MCUB: variants seen among roughly 807,000 people sequenced by gnomAD.
MCUB encodes the protein mitochondrial calcium uniporter dominant negative subunit beta, also known as calcium uniporter regulatory subunit MCUb, mitochondrial.
Under a neutral mutation model 41.4 loss-of-function variants are expected in MCUB, and 46 were observed. The observed-to-expected ratio is 1.11, with a 90% CI of 0.88 to 1.42. The LOEUF (loss-of-function observed/expected upper bound fraction) is 1.42. Ranked by LOEUF, MCUB falls within the 40% of genes most tolerant of loss-of-function variation. The probability of loss-of-function intolerance (pLI) is 0.00; values close to 1 mark genes in which losing one functional copy is unlikely to be tolerated. For missense variants in MCUB, 403 were observed against 404.9 expected (o/e 1.00, Z 0.04); for synonymous variants, 148 against 148.2 (o/e 1.00, Z 0.01).
intron 4 of MCUB, among the ~76,000 whole-genome samples, chr4:109,675,151 A>G (rs1729544906): frequency 1.3e-5 from 2 of 152,376 alleles, no homozygotes; most frequent in Middle Eastern, 6.8e-3. Context: ...TTTATTAGGA[A>G]ATGCCACAGA....
At chr4:109,641,603 C>T (rs1728717073) in intron 1 of MCUB, among the ~76,000 whole-genome samples, 5 of 152,136 alleles carry the variant, frequency 3.3e-5, no homozygotes, top group Admixed American at 3.3e-4. Context: ...AAAAATGGTG[C>T]TTATAGACTG....
At chr4:109,597,521 C>T (rs1466558223) in intron 1 of MCUB, among the ~76,000 whole-genome samples, 2 of 141,366 alleles carry the variant, frequency 1.4e-5, no homozygotes, top group Non-Finnish European at 3.1e-5. Context: ...GACCCCCCCA[C>T]CTCCCTCCCG....
chr4:109,656,353 AC>A (rs1561243208), intron 1 of MCUB, among the ~76,000 whole-genome samples: 1 of 100,324 alleles, frequency 1.0e-5, no homozygotes, highest in African/African-American at 3.4e-5. Flanking sequence ...TTTACTCTCT[AC>A]TTTTTTTTTT....
rs776559540 is a variant in MCUB, at chr4:109,685,236, CTCT to C, written c.817-13_817-11del. 6.5e-6 allele frequency: 6 copies of C among 928,706 alleles called. No homozygotes were observed. In the African/African-American group the frequency reaches 2.0e-4, roughly 30 times the overall value. The allele number at this position is 928,706 out of a possible 1,614,324, so 57.5% of individuals were successfully genotyped here. A position where few individuals can be genotyped will look rare whatever the true frequency, so the allele number is the denominator to read the frequency against. ...CAAAACATGTTGTTTTCTTCTCTCT[CTCT>C]TTTTTTTTAAGGATTATACTTACTC... On this transcript the variant is annotated splice_polypyrimidine_tract_variant and intron_variant, in intron 6 of 7. Coordinates refer to ENST00000394650, the MANE Select transcript of MCUB (RefSeq NM_017918.5).
chr4:109,589,635 C>T (rs1727384824), intron 1 of MCUB, among the ~76,000 whole-genome samples: 1 of 152,156 alleles, frequency 6.6e-6, no homozygotes, highest in South Asian at 2.1e-4. Context: ...ACACAAATTC[C>T]TGGTTAAGCT....
chr4:109,579,025 C>G (rs767310109), intron 1 of MCUB, among the ~76,000 whole-genome samples: 24 of 152,222 alleles, frequency 1.6e-4, no homozygotes, highest in Non-Finnish European at 2.2e-4. Flanking sequence ...TTCCTTCACA[C>G]TTGCTTCCGC....
At chr4:109,627,185 C>G (rs1383057364) in intron 1 of MCUB, among the ~76,000 whole-genome samples, 1 of 151,956 alleles carries the variant, frequency 6.6e-6, no homozygotes, top group Non-Finnish European at 1.5e-5. Context: ...CCTCAATATA[C>G]TTTATGCCCA....
At chr4:109,684,762 G>C (rs1364076873) in intron 6 of MCUB, 116 bp downstream of exon 6, 6 of 605,644 alleles carry the variant, frequency 9.9e-6, no homozygotes, top group African/African-American at 7.4e-5. Flanking sequence ...TGGTTTTTAT[G>C]AGCTGGTAAA....
At chr4:109,636,400 G>C (rs1254736564) in intron 1 of MCUB, among the ~76,000 whole-genome samples, 1 of 152,202 alleles carries the variant, frequency 6.6e-6, no homozygotes, top group African/African-American at 2.4e-5. Flanking sequence ...ACACTGCTTA[G>C]AGTGAGATAA....
intron 1 of MCUB, among the ~76,000 whole-genome samples, chr4:109,597,940 T>C (rs1727617035): frequency 7.0e-6 from 1 of 142,478 alleles, no homozygotes; most frequent in African/African-American, 2.7e-5. Context: ...GCAGAGGCGC[T>C]CCTCACATCC....
intron 1 of MCUB, among the ~76,000 whole-genome samples, chr4:109,617,034 A>T (rs908222553): frequency 6.9e-6 from 1 of 144,810 alleles, no homozygotes; most frequent in African/African-American, 2.5e-5. Context: ...CCTCTAGTTG[A>T]TGTCCTTCTT....
At chr4:109,630,325 C>T (rs1257893251) in intron 1 of MCUB, among the ~76,000 whole-genome samples, 9 of 151,924 alleles carry the variant, frequency 5.9e-5, no homozygotes, top group Non-Finnish European at 1.2e-4. Context: ...AGCCAGATTT[C>T]GTGGTGCAAG....
Position 109,666,745 on chromosome 4 carries a change from T to C in MCUB, c.451+2351T>C, listed in dbSNP as rs996339105. On this transcript the variant is annotated intron_variant, in intron 4 of 7. Coordinates refer to ENST00000394650, the MANE Select transcript of MCUB (RefSeq NM_017918.5). The stretch of plus-strand genomic sequence containing the variant: ...GCTATGGCTTGCTTTCTCATTGTCT[T>C]TCACAAGTTGAGGAAATTGCCCTCT... Among the ~76,000 whole-genome samples the C allele has an allele frequency of 3.6e-4, 55 of 152,196 alleles. 1 individual carries two copies. Among genetic ancestry groups the C allele is most frequent in the Non-Finnish European group, 2.9e-5 (2 of 68,022 alleles).
At chr4:109,591,755 G>A (rs1343240743) in intron 1 of MCUB, among the ~76,000 whole-genome samples, 1 of 151,992 alleles carries the variant, frequency 6.6e-6, no homozygotes, top group African/African-American at 2.4e-5. Context: ...CTGGAGTGCA[G>A]TGGCCTGATT....
chr4:109,668,348 C>T (rs190727728), intron 4 of MCUB, among the ~76,000 whole-genome samples: 11 of 152,242 alleles, frequency 7.2e-5, no homozygotes, highest in Admixed American at 7.2e-4. Context: ...AAGCATTGTT[C>T]TGTCTTCTTG....
chr4:109,622,391 A>G (rs1370539204), intron 1 of MCUB, among the ~76,000 whole-genome samples: 1 of 152,192 alleles, frequency 6.6e-6, no homozygotes, highest in Non-Finnish European at 1.5e-5. Flanking sequence ...AGAAAATCTA[A>G]TGTTTCTGAA....
At chr4:109,652,812 A>G (rs561964420) in intron 1 of MCUB, among the ~76,000 whole-genome samples, 1 of 152,336 alleles carries the variant, frequency 6.6e-6, no homozygotes, top group Non-Finnish European at 1.5e-5. Flanking sequence ...CTAGGTTGGT[A>G]ATTATTTTCC....
chr4:109,668,860 C>T (rs1414504829), intron 4 of MCUB, among the ~76,000 whole-genome samples: 1 of 151,954 alleles, frequency 6.6e-6, no homozygotes, highest in Non-Finnish European at 1.5e-5. Flanking sequence ...ACAACTATTG[C>T]AAGTCCACTT....
intron 1 of MCUB, among the ~76,000 whole-genome samples, chr4:109,581,541 TTAAAC>T (rs776650727): frequency 6.6e-6 from 1 of 152,120 alleles, no homozygotes; most frequent in Non-Finnish European, 1.5e-5. Context: ...TGGGATCTAA[TTAAAC>T]TAAAGAGCTT....
Sources: allele counts gnomAD v4.1 joint callset (sites outside exome capture counted in the v4.1 genomes callset), GRCh38; gene constraint gnomAD v4.1.1; transcripts MANE v1.5; gene names NCBI Gene and HGNC (gene_info 2026-07-23, HGNC 2026-07-21).